Variants in SPTLC1 observed in about 807,000 individuals in gnomAD.
SPTLC1 encodes serine palmitoyltransferase long chain base subunit 1, also known as serine palmitoyltransferase 1.
Under a neutral mutation model 68.9 loss-of-function variants are expected in SPTLC1, and 55 were observed. The ratio of observed to expected loss-of-function variants is 0.80; its 90% CI spans 0.64 to 1.00. The LOEUF (loss-of-function observed/expected upper bound fraction) is 1.00, where lower values mean the gene tolerates loss of function less well. SPTLC1 is among the 50% of genes least tolerant of loss of function. The pLI is 0.00. For synonymous variants in SPTLC1, 197 were observed against 201.6 expected (o/e 0.98, Z 0.19); for missense variants, 449 against 573.1 (o/e 0.78, Z 2.21).
rs187663400 is a variant in SPTLC1 at position 92,095,548 on chromosome 9, T to C, written c.260+13192A>G. Among the ~76,000 whole-genome samples the C allele has an allele frequency of 3.0e-3, 452 of 152,246 alleles. 3 individuals carry two copies. Among genetic ancestry groups the C allele is most frequent in the African/African-American group, 0.01 (429 of 41,554 alleles). ...AGTCAAAAGAAATGAACAAGAAATA[T>C]ATGCAGCAACTCTACCTCTCTTTAC... On this transcript the variant is annotated intron_variant, in intron 3 of 14. Transcript: ENST00000262554.
intron 3 of SPTLC1, chr9:92,104,767 G>T: frequency 6.5e-7 from 1 of 1,533,642 alleles, no homozygotes; most frequent in Non-Finnish European, 8.7e-7. Context: ...CCACCTCTAG[G>T]CCCCTGGAGA....
chr9:92,092,590 C>G (rs1835402794), intron 3 of SPTLC1, among the ~76,000 whole-genome samples: 1 of 152,022 alleles, frequency 6.6e-6, no homozygotes, highest in African/African-American at 2.4e-5. Context: ...AATAAATTAG[C>G]TGGGCGTGGT....
chr9:92,114,450 C>G (rs529871396), intron 1 of SPTLC1, among the ~76,000 whole-genome samples: 1 of 151,808 alleles, frequency 6.6e-6, no homozygotes, highest in African/African-American at 2.4e-5. Flanking sequence ...CTTTAAAAGT[C>G]TACGGCCAGG....
intron 5 of SPTLC1, among the ~76,000 whole-genome samples, chr9:92,077,283 G>A (rs1834714927): frequency 6.6e-6 from 1 of 152,054 alleles, no homozygotes; most frequent in Non-Finnish European, 1.5e-5. Flanking sequence ...AGGCTAGACA[G>A]GAAATCCACT....
chr9:92,050,476 T>C, intron 8 of SPTLC1: 1 of 249,906 alleles, frequency 4.0e-6, no homozygotes, highest in South Asian at 5.0e-5. Context: ...CTATTACTCC[T>C]AGTGCTGTGA....
At chr9:92,073,612 A>T (rs1015746715) in intron 5 of SPTLC1, among the ~76,000 whole-genome samples, 3 of 151,882 alleles carry the variant, frequency 2.0e-5, no homozygotes, top group Admixed American at 1.3e-4. Flanking sequence ...AAGGGACAGA[A>T]GGCCGCCTTA....
intron 5 of SPTLC1, 58 bp from the exon 6 acceptor site, chr9:92,068,156 A>G: frequency 1.3e-6 from 2 of 1,529,646 alleles, no homozygotes; most frequent in Admixed American, 3.7e-5. Flanking sequence ...TTTCTCTACT[A>G]AAGAACAAAT....
chr9:92,050,160 T>C (rs1216074584), intron 8 of SPTLC1, 93 bp from the exon 9 acceptor site: 1 of 808,342 alleles, frequency 1.2e-6, no homozygotes, highest in Non-Finnish European at 2.1e-6. Flanking sequence ...TATGTACAGC[T>C]GACTCTCAAT....
In SPTLC1 at chr9:92,035,665, T is replaced by C. The variant is rs182377929; in HGVS notation, c.1255-782A>G. ...GGTGAATTTTATGGTATGTGGTATG[T>C]GAGTTATATTAAAAAAAAATAGCAA... On this transcript the variant is annotated intron_variant, in intron 13 of 14. Coordinates refer to ENST00000262554, the MANE Select transcript of SPTLC1 (RefSeq NM_006415.4). Among the ~76,000 whole-genome samples, 211 of 152,120 alleles carry C rather than the reference T, an allele frequency of 1.4e-3. 1 individual carries two copies. The highest frequency in any genetic ancestry group is 3.9e-3 in the African/African-American group (160 of 41,476).
Position 92,043,884 on chromosome 9 carries a change from G to A in SPTLC1, c.1136+2115C>T, listed in dbSNP as rs147916268. ...CTCTGTGTGCCAATGTCCTCATCACGGCTCACAAGTCCCTGTGTGCGGATG... is the reference window on the plus strand; with the variant it reads ...CTCTGTGTGCCAATGTCCTCATCACAGCTCACAAGTCCCTGTGTGCGGATG... On this transcript the variant is annotated intron_variant, in intron 12 of 14. Transcript: ENST00000262554. Among the ~76,000 whole-genome samples, 478 of 152,122 alleles carry A rather than the reference G, an allele frequency of 3.1e-3. 2 individuals are homozygous for A. The highest frequency in any genetic ancestry group is 0.01 in the African/African-American group (429 of 41,478).
chr9:92,099,586 C>G (rs1835670304), intron 3 of SPTLC1, among the ~76,000 whole-genome samples: 1 of 151,508 alleles, frequency 6.6e-6, no homozygotes, highest in Non-Finnish European at 1.5e-5. Context: ...CTCAAGCCAT[C>G]TTCCCACCTC....
chr9:92,038,216 TG>T, intron 13 of SPTLC1, 31 bp downstream of exon 13: 2 of 1,428,754 alleles, frequency 1.4e-6, no homozygotes, highest in East Asian at 2.3e-5. Context: ...AGAAGTGGTG[TG>T]GGGGGATGCC....
chr9:92,093,040 T>G (rs144651618), intron 3 of SPTLC1, among the ~76,000 whole-genome samples: 64 of 152,300 alleles, frequency 4.2e-4, no homozygotes, highest in Middle Eastern at 3.4e-3. Context: ...ACACTCAGGG[T>G]GTTTTGTAAA....
intron 7 of SPTLC1, among the ~76,000 whole-genome samples, 190 bp from the exon 8 acceptor site, chr9:92,055,684 C>T (rs1833863864): frequency 6.6e-6 from 1 of 152,180 alleles, no homozygotes; most frequent in South Asian, 2.1e-4. Flanking sequence ...AGACGTTTTT[C>T]AGCTCACAGC....
chr9:92,105,215 C>G, intron 3 of SPTLC1: 2 of 1,534,166 alleles, frequency 1.3e-6, no homozygotes, highest in Non-Finnish European at 1.7e-6. Flanking sequence ...ACCGACCCCT[C>G]CCCTGCAACT....
intron 3 of SPTLC1, among the ~76,000 whole-genome samples, chr9:92,087,114 C>G (rs1021847121): frequency 6.6e-6 from 1 of 152,146 alleles, no homozygotes; most frequent in African/African-American, 2.4e-5. Flanking sequence ...AAGCACTTCT[C>G]TGTATTGGTT....
intron 12 of SPTLC1, 191 bp from the exon 13 acceptor site, chr9:92,038,556 T>A (rs972124891): frequency 1.0e-4 from 65 of 621,526 alleles, no homozygotes; most frequent in Non-Finnish European, 1.1e-4. Flanking sequence ...CTTCCTCATC[T>A]AAAAAAGTCT....
At chr9:92,040,487 G>A (rs1011914146) in intron 12 of SPTLC1, among the ~76,000 whole-genome samples, 1 of 152,086 alleles carries the variant, frequency 6.6e-6, no homozygotes, top group East Asian at 1.9e-4. Context: ...TACAAGGCGC[G>A]ATGGCTCACA....
At chr9:92,050,323 G>A (rs2118472978) in intron 8 of SPTLC1, 1 of 422,860 alleles carries the variant, frequency 2.4e-6, no homozygotes, top group Middle Eastern at 7.3e-4. Flanking sequence ...AGGTGAGGGT[G>A]AACAGGCGAC....
Sources: allele counts gnomAD v4.1 joint callset (sites outside exome capture counted in the v4.1 genomes callset), GRCh38; gene constraint gnomAD v4.1.1; transcripts MANE v1.5; gene names NCBI Gene and HGNC (gene_info 2026-07-23, HGNC 2026-07-21).